Variants in MOBP observed in about 807,000 individuals in gnomAD.
MOBP encodes myelin-associated oligodendrocyte basic protein.
A neutral mutation model predicts 15.0 loss-of-function variants in MOBP; 5 were observed. The ratio of observed to expected loss-of-function variants is 0.33; its 90% CI spans 0.17 to 0.70. The LOEUF (loss-of-function observed/expected upper bound fraction) is 0.70. Among genes scored for constraint, MOBP ranks in the 30% least tolerant of loss-of-function variants. The pLI, the probability that MOBP is intolerant of heterozygous loss-of-function variation, is 0.67. For missense variants in MOBP, 188 were observed against 257.8 expected, an observed-to-expected ratio of 0.73 and a Z score of 1.85; for synonymous variants, 88 against 99.0, an observed-to-expected ratio of 0.89 and a Z score of 0.66.
At chr3:39,497,026 C>T (rs1484995913) in intron 2 of MOBP, among the ~76,000 whole-genome samples, 2 of 152,144 alleles carry the variant, frequency 1.3e-5, no homozygotes, top group Non-Finnish European at 2.9e-5. Context: ...TGGTCTCGAA[C>T]TCCTGACCTC....
downstream of MOBP, among the ~76,000 whole-genome samples, chr3:39,505,432 T>C (rs1365722441): frequency 1.3e-5 from 2 of 152,250 alleles, no homozygotes; most frequent in Admixed American, 1.3e-4. Flanking sequence ...TGCTTTCTGT[T>C]CAGGCTCTTG....
At chr3:39,516,275 G>A (rs553565581), downstream of MOBP, among the ~76,000 whole-genome samples, 1 of 152,336 alleles carries the variant, frequency 6.6e-6, no homozygotes, top group South Asian at 2.1e-4. Flanking sequence ...ATGTGAAAGT[G>A]CTGCGGGGAG....
In MOBP at chr3:39,502,934, GT is replaced by G; in HGVS notation, c.*57del. ...CCTAAGGTTAGTAGTTGCTTCCTGT[GT>G]TTACTAACACCGGGCTGTCTCCATG... On this transcript the variant is annotated 3_prime_UTR_variant, in exon 4 of 4. Transcript: ENST00000684792. The surrounding 1 kb of genome is among the most constrained non-coding windows in gnomAD (Gnocchi z 6.3). 2.5e-6 allele frequency: 2 copies of G among 810,372 alleles called. No homozygotes were observed. The highest frequency in any genetic ancestry group is 3.8e-6 in the Non-Finnish European group (2 of 525,970). 50.2% of individuals were successfully genotyped at this position (810,372 alleles called of 1,614,324 possible). A position where few individuals can be genotyped will look rare whatever the true frequency, so the allele number is the denominator to read the frequency against.
chr3:39,490,086 A>G (rs770837653), intron 2 of MOBP, among the ~76,000 whole-genome samples: 33 of 152,150 alleles, frequency 2.2e-4, no homozygotes, highest in Non-Finnish European at 3.8e-4. Flanking sequence ...CTCCCCACTT[A>G]TCTTCTCTTC....
At chr3:39,496,199 C>CTTTTTTTTTTTTTTTTTTTTTT (rs539988699) in intron 2 of MOBP, among the ~76,000 whole-genome samples, 1 of 144,380 alleles carries the variant, frequency 6.9e-6, no homozygotes. Context: ...TCTTTTTTTT[C>CTTTTTTTTTTTTTTTTTTTTTT]TTTTTTTTTT....
chr3:39,528,758 G>A (rs1016207751), downstream of MOBP: 3 of 152,246 alleles, frequency 2.0e-5, no homozygotes, highest in Non-Finnish European at 4.4e-5. Flanking sequence ...GAGAGAATCA[G>A]GGCTTCTAGT....
At chr3:39,472,312 T>C (rs550052273) in intron 1 of MOBP, among the ~76,000 whole-genome samples, 1 of 152,352 alleles carries the variant, frequency 6.6e-6, no homozygotes, top group South Asian at 2.1e-4. Flanking sequence ...GTTAACCTAT[T>C]GTATGATCTT....
At chr3:39,522,060 C>G in intron 3 of MOBP, among the ~76,000 whole-genome samples, 1 of 152,206 alleles carries the variant, frequency 6.6e-6, no homozygotes, top group East Asian at 1.9e-4. Flanking sequence ...GCAGCTATTG[C>G]TTCTCCATCA....
chr3:39,492,822 C>A (rs1371323759), intron 2 of MOBP, among the ~76,000 whole-genome samples: 1 of 152,186 alleles, frequency 6.6e-6, no homozygotes, highest in African/African-American at 2.4e-5. Context: ...GTCTCCTGTT[C>A]TTCCCATGTT....
At position 39,508,052 on chromosome 3, in the gene MOBP, A is replaced by G. The variant is rs370354448; in HGVS notation, c.620+5176A>G. Among the ~76,000 whole-genome samples, 33 of 152,338 alleles carry G rather than the reference A, an allele frequency of 2.2e-4. No individual in the cohort carries two copies. In the South Asian group the frequency reaches 6.8e-3, roughly 32 times the overall value. On this transcript the variant is annotated intron_variant, in intron 4 of 4. Transcript: ENST00000311042. ...CACCATGTTTGTTTTTGGGCAGCTAAGCATCACTGGAGAACAGCACACAGC... is the reference window on the plus strand; with the variant it reads ...CACCATGTTTGTTTTTGGGCAGCTAGGCATCACTGGAGAACAGCACACAGC...
chr3:39,527,103 A>G (rs937235478), downstream of MOBP: 9 of 152,110 alleles, frequency 5.9e-5, no homozygotes, highest in African/African-American at 1.4e-4. Context: ...AGCTATGAAC[A>G]TGATTCTCTG....
exon 5 of MOBP, chr3:39,513,842 CT>C (rs1420529221): frequency 5.6e-6 from 1 of 178,272 alleles, no homozygotes; most frequent in Non-Finnish European, 1.2e-5. Context: ...CTGAGCTCAA[CT>C]TTTAATTTTT....
intron 2 of MOBP, among the ~76,000 whole-genome samples, chr3:39,486,224 T>G (rs2042706768): frequency 6.6e-6 from 1 of 152,230 alleles, no homozygotes. Context: ...GTGATCTTGG[T>G]TGAGTTATCT....
chr3:39,478,456 GC>G (rs2042573021), intron 1 of MOBP, among the ~76,000 whole-genome samples: 1 of 152,120 alleles, frequency 6.6e-6, no homozygotes, highest in African/African-American at 2.4e-5. Flanking sequence ...TCAGGATTTA[GC>G]CCTGTCATTA....
rs114630157 is a variant in MOBP, at chr3:39,509,555, C to T, written c.*-3828C>T. On this transcript the variant is annotated intron_variant, in intron 4 of 4. Transcript: ENST00000311042. ...GCTTAAATCTTCTACATATAAAAAT[C>T]GGATTGTTTTATTATTGTATTTTGA... 5.1e-3 allele frequency among the ~76,000 whole-genome samples: 781 copies of T among 152,134 alleles called. 2 individuals carry two copies. Among genetic ancestry groups the T allele is most frequent in the Admixed American group, 7.9e-3 (120 of 15,282 alleles).
rs1331003778 is a variant in MOBP at position 39,502,592 on chromosome 3, C to T, written c.264C>T (p.Pro88=). ...QRPKQQPAAP[P]AVVRAPAKPR... ...CCAAGCAACAGCCAGCTGCGCCCCC[C>T]GCGGTGGTCAGAGCGCCAGCCAAGC... The change falls in exon 4 of 4, where the codon CCC becomes CCT. Residue 88 remains proline (P), a synonymous_variant. Transcript: ENST00000684792. This position sits in a 1 kb window ranked among gnomAD's most constrained non-coding sequence, Gnocchi z 6.3. 3 of 1,571,054 alleles carry T rather than the reference C, an allele frequency of 1.9e-6. No homozygotes were observed. Among genetic ancestry groups the T allele is most frequent in the Non-Finnish European group, 2.6e-6 (3 of 1,167,908 alleles).
At chr3:39,520,188 C>T (rs2043249042), downstream of MOBP, among the ~76,000 whole-genome samples, 1 of 152,082 alleles carries the variant, frequency 6.6e-6, no homozygotes, top group South Asian at 2.1e-4. Context: ...CAGCAATGAC[C>T]CCTGATAAGT....
chr3:39,510,456 G>A (rs1384201514), intron 4 of MOBP, among the ~76,000 whole-genome samples: 2 of 151,974 alleles, frequency 1.3e-5, no homozygotes, highest in Non-Finnish European at 2.9e-5. Flanking sequence ...TCATGAACAT[G>A]GTATATCTCT....
exon 5 of MOBP, chr3:39,515,998 A>G (rs527733221): frequency 1.3e-5 from 2 of 152,288 alleles, no homozygotes; most frequent in African/African-American, 4.8e-5. Flanking sequence ...ACACTTGTTG[A>G]CGGAATGAAT....
Sources: gnomAD v4.1 joint callset for allele counts (sites outside exome capture counted in the v4.1 genomes callset) on GRCh38, gnomAD v4.1.1 for gene constraint, Gnocchi (gnomAD v3.1) non-coding constraint, MANE v1.5 for transcripts, NCBI Gene and HGNC (gene_info 2026-07-23, HGNC 2026-07-21) for gene names.